CLSTN1: variants seen among roughly 807,000 people sequenced by gnomAD.
CLSTN1 encodes calsyntenin-1.
A neutral mutation model predicts 108.3 loss-of-function variants in CLSTN1; 28 were observed. The ratio of observed to expected loss-of-function variants is 0.26; its 90% confidence interval spans 0.19 to 0.35. The LOEUF (loss-of-function observed/expected upper bound fraction) is 0.35, where lower values mean the gene tolerates loss of function less well. Among genes scored for constraint, CLSTN1 ranks in the 10% least tolerant of loss-of-function variants. The probability of loss-of-function intolerance (pLI) is 1.00; values close to 1 mark genes in which losing one functional copy is unlikely to be tolerated. For missense variants in CLSTN1, 1,157 were observed against 1,302.6 expected (o/e 0.89, Z 1.72); for synonymous variants, 524 against 534.9 (o/e 0.98, Z 0.28).
rs183442513 is a variant in CLSTN1 at position 9,790,617 on chromosome 1, A to G, written c.92-17223T>C. On this transcript the variant is annotated intron_variant, in intron 1 of 18. Transcript: ENST00000377298. ...ATTCACTTTTCTTTTGAAAATTCTG[A>G]AAATTCTACTGGCATGAATATATCC... Among the ~76,000 whole-genome samples, 222 of 151,544 alleles carry G rather than the reference A, an allele frequency of 1.5e-3. 1 individual carries two copies. The highest frequency in any genetic ancestry group is 4.0e-3 in the Admixed American group (60 of 14,892).
intron 1 of CLSTN1, among the ~76,000 whole-genome samples, chr1:9,775,971 CCT>C (rs1040009362): frequency 2.6e-5 from 4 of 151,772 alleles, no homozygotes; most frequent in African/African-American, 7.3e-5. Flanking sequence ...AAAGCTGCCT[CCT>C]CTCTTTTTTT....
intron 2 of CLSTN1, among the ~76,000 whole-genome samples, chr1:9,760,094 G>T (rs1244881745): frequency 6.6e-6 from 1 of 152,040 alleles, no homozygotes; most frequent in Non-Finnish European, 1.5e-5. Context: ...TTAGAGACAG[G>T]GTTTCCCTCT....
chr1:9,733,769 G>A (rs1012188155), intron 15 of CLSTN1, among the ~76,000 whole-genome samples: 1 of 152,190 alleles, frequency 6.6e-6, no homozygotes, highest in Non-Finnish European at 1.5e-5. Context: ...TCCCCCTTTA[G>A]AGAGTAGTGG....
At chr1:9,784,492 C>G (rs568094462) in intron 1 of CLSTN1, among the ~76,000 whole-genome samples, 1 of 152,238 alleles carries the variant, frequency 6.6e-6, no homozygotes, top group Admixed American at 6.5e-5. Flanking sequence ...TCAGGGAGAA[C>G]AAGACTATCT....
At chr1:9,781,985 C>T (rs1653273693) in intron 1 of CLSTN1, among the ~76,000 whole-genome samples, 1 of 152,106 alleles carries the variant, frequency 6.6e-6, no homozygotes, top group South Asian at 2.1e-4. Flanking sequence ...TTGTATTGGG[C>T]TGAAAGCTGA....
intron 1 of CLSTN1, among the ~76,000 whole-genome samples, chr1:9,820,693 T>C (rs996768508): frequency 6.6e-6 from 1 of 152,232 alleles, no homozygotes; most frequent in South Asian, 2.1e-4. Flanking sequence ...AATACTGGCA[T>C]GCCTCTGGTG....
intron 1 of CLSTN1, among the ~76,000 whole-genome samples, chr1:9,792,903 G>A (rs1653830491): frequency 6.6e-6 from 1 of 151,404 alleles, no homozygotes; most frequent in South Asian, 2.2e-4. Flanking sequence ...AACGGAGTGA[G>A]AAGGGGGCAG....
Position 9,731,353 on chromosome 1 carries a change from G to A in CLSTN1, c.2601C>T (p.Cys867=), listed in dbSNP as rs368737261. The A allele has an allele frequency of 1.5e-5, 25 of 1,614,252 alleles. No individual in the cohort carries two copies. Among genetic ancestry groups the A allele is most frequent in the Non-Finnish European group, 1.9e-5 (23 of 1,180,040 alleles). The change falls in exon 18 of 19, where the codon TGC becomes TGT. Residue 867 remains cysteine, a synonymous_variant. Coordinates refer to ENST00000377298, the MANE Select transcript of CLSTN1 (RefSeq NM_001009566.3). ...PSTATVVIVV[C]VSFLVFMIIL... ...TAATCATGAACACCAGGAAGCTGAC[G>A]CACACCACGATCACAACTGTCGCAG...
At chr1:9,744,061 A>G (rs1651125549) in intron 8 of CLSTN1, 56 bp from the exon 9 acceptor site, 1 of 1,595,826 alleles carries the variant, frequency 6.3e-7, no homozygotes, top group South Asian at 1.1e-5. Context: ...AGGAGAAATT[A>G]AAGCTGTTTC....
At chr1:9,810,873 C>T (rs1654728894) in intron 1 of CLSTN1, among the ~76,000 whole-genome samples, 1 of 152,146 alleles carries the variant, frequency 6.6e-6, no homozygotes, top group South Asian at 2.1e-4. Flanking sequence ...CACATACCTC[C>T]GGATCCTCTC....
At chr1:9,797,955 G>A (rs1033972071) in intron 1 of CLSTN1, among the ~76,000 whole-genome samples, 2 of 151,950 alleles carry the variant, frequency 1.3e-5, no homozygotes, top group South Asian at 2.1e-4. Flanking sequence ...TTAGCCAGGC[G>A]TGGGGGTACA....
At chr1:9,738,007 A>G (rs548610919) in intron 10 of CLSTN1, among the ~76,000 whole-genome samples, 1 of 152,334 alleles carries the variant, frequency 6.6e-6, no homozygotes, top group Admixed American at 6.5e-5. Context: ...GGCATAGCAC[A>G]CACGTGTCCC....
At chr1:9,822,412 GAAC>G (rs1655221560) in intron 1 of CLSTN1, among the ~76,000 whole-genome samples, 1 of 152,086 alleles carries the variant, frequency 6.6e-6, no homozygotes, top group Non-Finnish European at 1.5e-5. Flanking sequence ...TTTAATTCGT[GAAC>G]ACCATACTTC....
intron 1 of CLSTN1, among the ~76,000 whole-genome samples, chr1:9,795,636 C>T (rs1462801041): frequency 6.6e-6 from 1 of 151,340 alleles, no homozygotes; most frequent in Non-Finnish European, 1.5e-5. Flanking sequence ...AAAAAATGTA[C>T]TTTCCTTAAG....
intron 1 of CLSTN1, among the ~76,000 whole-genome samples, chr1:9,774,537 G>C (rs932067470): frequency 6.6e-6 from 1 of 151,710 alleles, no homozygotes; most frequent in African/African-American, 2.4e-5. Flanking sequence ...CCGCACTCCA[G>C]ACTGGGCGAC....
chr1:9,813,290 G>T (rs1037886454), intron 1 of CLSTN1, among the ~76,000 whole-genome samples: 2 of 152,084 alleles, frequency 1.3e-5, no homozygotes, highest in Non-Finnish European at 2.9e-5. Flanking sequence ...CTGAGCTCAG[G>T]AGTTCAAGAC....
Position 9,735,016 on chromosome 1 carries a change from T to C in CLSTN1, c.2042A>G (p.Glu681Gly). The C allele has an allele frequency of 1.2e-6, 2 of 1,614,138 alleles. No homozygotes were observed. The highest frequency in any genetic ancestry group is 1.7e-6 in the Non-Finnish European group (2 of 1,180,034). The change falls in exon 14 of 19, where the codon GAG (glutamate) becomes GGG (glycine). Residue 681 changes from glutamate (E) to glycine (G), a missense_variant. Coordinates refer to ENST00000377298, the MANE Select transcript of CLSTN1 (RefSeq NM_001009566.3). ...ESSEGVFLFP[E>G]LRIISTITRE... ...CGTGATGGTGCTGATGATGCGAAGC[T>C]CAGGGAAAAGGAACACCCCTTCTGA...
At chr1:9,732,412 C>T (rs1231732055) in intron 16 of CLSTN1, among the ~76,000 whole-genome samples, 2 of 152,136 alleles carry the variant, frequency 1.3e-5, no homozygotes, top group East Asian at 3.9e-4. Flanking sequence ...AAAACAAGAG[C>T]AGAAAAAGAA....
intron 1 of CLSTN1, among the ~76,000 whole-genome samples, chr1:9,815,814 T>G (rs960283031): frequency 6.6e-6 from 1 of 152,100 alleles, no homozygotes; most frequent in Non-Finnish European, 1.5e-5. Context: ...CAGGCACCTG[T>G]AATCCCAGCT....
Sources: gnomAD v4.1 joint callset for allele counts (sites outside exome capture counted in the v4.1 genomes callset) on GRCh38, gnomAD v4.1.1 for gene constraint, MANE v1.5 for transcripts, NCBI Gene and HGNC (gene_info 2026-07-23, HGNC 2026-07-21) for gene names.